Variants in SORCS3 observed in about 807,000 individuals in gnomAD.
SORCS3 encodes sortilin related VPS10 domain containing receptor 3, also known as VPS10 domain-containing receptor SorCS3.
SORCS3 carries 57 observed loss-of-function variants against 146.3 expected under a neutral mutation model. That is an observed-to-expected ratio of 0.39 (90% CI 0.31 to 0.49). The LOEUF (loss-of-function observed/expected upper bound fraction) is 0.49, where lower values mean the gene tolerates loss of function less well. Ranked by LOEUF, SORCS3 falls within the 20% of genes least tolerant of loss-of-function variation. The probability of loss-of-function intolerance (pLI) is 0.92; values close to 1 mark genes in which losing one functional copy is unlikely to be tolerated. For synonymous variants in SORCS3, 653 were observed against 618.5 expected, an observed-to-expected ratio of 1.06 and a Z score of -0.83; for missense variants, 1,341 against 1,575.5, an observed-to-expected ratio of 0.85 and a Z score of 2.52.
intron 2 of SORCS3, among the ~76,000 whole-genome samples, chr10:104,855,590 A>G (rs2018321629): frequency 6.6e-6 from 1 of 152,194 alleles, no homozygotes; most frequent in African/African-American, 2.4e-5. Flanking sequence ...TGTAAAATAT[A>G]TTGTTTGTTT....
chr10:105,091,189 CTCCTTCCTTCCTTCCCTCCT>C (rs2055700276), intron 6 of SORCS3, among the ~76,000 whole-genome samples: 1 of 111,944 alleles, frequency 8.9e-6, no homozygotes, highest in African/African-American at 3.2e-5. Flanking sequence ...TCCTTCATCC[CTCCTTCCTTCCTTCCCTCCT>C]TCCTTCCTTC....
intron 1 of SORCS3, among the ~76,000 whole-genome samples, chr10:104,730,810 C>T (rs981151647): frequency 6.6e-6 from 1 of 152,214 alleles, no homozygotes; most frequent in East Asian, 1.9e-4. Context: ...ACCACCAGAT[C>T]TCTTGAGAAC....
At chr10:105,029,112 G>C (rs790662) in intron 4 of SORCS3, among the ~76,000 whole-genome samples, 70,793 of 151,994 alleles carry the variant, frequency 0.47, 18,262 homozygotes, top group African/African-American at 0.71. Context: ...ATTAGAATCA[G>C]CTGGGGAACT....
chr10:104,739,785 A>G (rs1031917705), intron 1 of SORCS3, among the ~76,000 whole-genome samples: 4 of 152,150 alleles, frequency 2.6e-5, no homozygotes, highest in African/African-American at 9.7e-5. Context: ...TTCTATACCC[A>G]TTTCACCTAC....
At chr10:104,963,767 G>T (rs910938106) in intron 3 of SORCS3, among the ~76,000 whole-genome samples, 1 of 152,116 alleles carries the variant, frequency 6.6e-6, no homozygotes, top group East Asian at 1.9e-4. Flanking sequence ...CCCTGAACCT[G>T]TTTTTCTATC....
intron 7 of SORCS3, among the ~76,000 whole-genome samples, chr10:105,120,588 C>T (rs1180131971): frequency 1.3e-5 from 2 of 152,082 alleles, no homozygotes; most frequent in African/African-American, 2.4e-5. Context: ...ACTGTGCATG[C>T]CCCTTATAAA....
At chr10:105,045,363 C>T (rs2055364525) in intron 5 of SORCS3, among the ~76,000 whole-genome samples, 1 of 152,008 alleles carries the variant, frequency 6.6e-6, no homozygotes, top group South Asian at 2.1e-4. Context: ...ATATATGCTC[C>T]CAAGGGGAAA....
intron 1 of SORCS3, among the ~76,000 whole-genome samples, chr10:104,711,554 A>G (rs886410418): frequency 6.6e-6 from 1 of 152,200 alleles, no homozygotes; most frequent in Non-Finnish European, 1.5e-5. Context: ...CTGTTAAGCT[A>G]CCCTTCCTAG....
intron 3 of SORCS3, among the ~76,000 whole-genome samples, chr10:104,938,552 A>G (rs1473643313): frequency 3.7e-5 from 5 of 136,916 alleles, no homozygotes; most frequent in African/African-American, 1.6e-4. Flanking sequence ...TCCTCTTAAA[A>G]TGATCCTCCC....
At chr10:104,691,837 C>T (rs1209987369) in intron 1 of SORCS3, among the ~76,000 whole-genome samples, 1 of 152,086 alleles carries the variant, frequency 6.6e-6, no homozygotes, top group Non-Finnish European at 1.5e-5. Flanking sequence ...AACTCCTGGG[C>T]TCAAGTGATC....
intron 1 of SORCS3, among the ~76,000 whole-genome samples, chr10:104,778,088 T>A (rs2017330300): frequency 6.6e-6 from 1 of 152,182 alleles, no homozygotes; most frequent in African/African-American, 2.4e-5. Context: ...TAATATATGG[T>A]ATATTTCAAA....
intron 5 of SORCS3, among the ~76,000 whole-genome samples, chr10:105,058,770 G>A (rs976897409): frequency 3.9e-5 from 6 of 152,094 alleles, no homozygotes; most frequent in East Asian, 1.9e-4. Flanking sequence ...AGGGAGAACC[G>A]GCAGTGAATA....
chr10:104,695,398 G>A (rs2016162782), intron 1 of SORCS3, among the ~76,000 whole-genome samples: 1 of 151,486 alleles, frequency 6.6e-6, no homozygotes, highest in Non-Finnish European at 1.5e-5. Context: ...GGATATTGGA[G>A]GCTCTGTGGA....
chr10:104,874,033 C>T (rs1401980125), intron 2 of SORCS3, among the ~76,000 whole-genome samples: 1 of 152,146 alleles, frequency 6.6e-6, no homozygotes. Flanking sequence ...CAGTTGATTT[C>T]CATTAAAAAT....
chr10:104,823,655 G>A (rs1195989228), intron 1 of SORCS3, among the ~76,000 whole-genome samples: 3 of 152,154 alleles, frequency 2.0e-5, no homozygotes, highest in Non-Finnish European at 2.9e-5. Context: ...AAGCTCATTA[G>A]ACATCTTCAT....
At chr10:104,771,108 A>G (rs1327006293) in intron 1 of SORCS3, among the ~76,000 whole-genome samples, 4 of 151,600 alleles carry the variant, frequency 2.6e-5, no homozygotes, top group East Asian at 1.9e-4. Context: ...GTGTAGGTCT[A>G]TGAGATGCTT....
intron 3 of SORCS3, among the ~76,000 whole-genome samples, chr10:104,951,927 C>A (rs1313823888): frequency 6.6e-6 from 1 of 151,980 alleles, no homozygotes; most frequent in Non-Finnish European, 1.5e-5. Flanking sequence ...TCTCATTTAA[C>A]CCTTACCAAA....
At chr10:105,144,576 A>G (rs1409631046) in intron 8 of SORCS3, among the ~76,000 whole-genome samples, 2 of 152,190 alleles carry the variant, frequency 1.3e-5, no homozygotes, top group African/African-American at 4.8e-5. Flanking sequence ...TTGGCAGGGC[A>G]GACATGGAAT....
At chr10:105,054,273 G>A (rs1006867277) in intron 5 of SORCS3, among the ~76,000 whole-genome samples, 14 of 151,554 alleles carry the variant, frequency 9.2e-5, no homozygotes, top group Admixed American at 5.9e-4. Context: ...TTATGTTATC[G>A]AATCTTTCAT....
Sources: allele counts gnomAD v4.1 joint callset (sites outside exome capture counted in the v4.1 genomes callset), GRCh38; gene constraint gnomAD v4.1.1; transcripts MANE v1.5; gene names NCBI Gene and HGNC (gene_info 2026-07-23, HGNC 2026-07-21).